Variants in POLRMT observed in about 807,000 individuals in gnomAD.
The protein encoded by POLRMT is DNA-directed RNA polymerase, mitochondrial.
A neutral mutation model predicts 132.2 loss-of-function variants in POLRMT; 114 were observed. That is an observed-to-expected ratio of 0.86 (90% CI 0.74 to 1.01). The LOEUF (loss-of-function observed/expected upper bound fraction) is 1.01, where lower values mean the gene tolerates loss of function less well. Ranked by LOEUF, POLRMT falls within the 50% of genes least tolerant of loss-of-function variation. The pLI is 0.00. For missense variants in POLRMT, 2,003 were observed against 1,729.1 expected, an observed-to-expected ratio of 1.16 and a Z score of -2.81; for synonymous variants, 1,020 against 773.4, an observed-to-expected ratio of 1.32 and a Z score of -5.29.
chr19:633,207 C>A (rs1217171893), intron 1 of POLRMT: 5 of 605,242 alleles, frequency 8.3e-6, no homozygotes, highest in Non-Finnish European at 1.3e-5. Flanking sequence ...CACCTGGGGT[C>A]AGGAGGCTGC....
Position 622,772 on chromosome 19 carries a change from G to GTGCC in POLRMT, c.1456-24_1456-21dup, listed in dbSNP as rs771678765. ...CAGGACCTGCGGAAGGCAGCCGTGA[G>GTGCC]TGCCTGCCCGCCCCGCCCGGGGACC... On this transcript the variant is annotated intron_variant, in intron 7 of 20. Coordinates refer to ENST00000588649, the MANE Select transcript of POLRMT (RefSeq NM_005035.4). 16 of 1,566,720 alleles carry GTGCC rather than the reference G, an allele frequency of 1.0e-5. No homozygotes were observed. Among genetic ancestry groups the GTGCC allele is most frequent in the Admixed American group, 3.8e-5 (2 of 53,028 alleles).
Position 618,727 on chromosome 19 carries a change from T to A in POLRMT, c.3301A>T (p.Thr1101Ser). Residue 1101 changes from threonine (T) to serine (S), a missense_variant, in exon 16 of 21, where the codon ACC (threonine) becomes TCC (serine). Physicochemically the swap from Thr to Ser is moderately conservative, Grantham distance 58. Transcript: ENST00000588649. ...CACCGGCTGATGTCTCCGTTGTGGG[T>A]GTAGGTGATGCTCTGAATTCCACCT... Reference protein sequence around the residue: ...IGGGIQSITYTHNGDISRKPN... With the variant: ...IGGGIQSITYSHNGDISRKPN... 1 of 1,606,942 alleles carries A rather than the reference T, an allele frequency of 6.2e-7. No individual in the cohort carries two copies. Among genetic ancestry groups the A allele is most frequent in the Non-Finnish European group, 8.5e-7 (1 of 1,177,182 alleles).
chr19:626,059 A>G (rs900341058), intron 3 of POLRMT, among the ~76,000 whole-genome samples: 5 of 152,106 alleles, frequency 3.3e-5, no homozygotes, highest in African/African-American at 1.2e-4. Flanking sequence ...GCACTGTGTC[A>G]GCTGCATCCC....
rs2144562487 is a variant in POLRMT, at chr19:617,843, G to A, written c.3429C>T (p.Gly1143=). 1 of 1,613,136 alleles carries A rather than the reference G, an allele frequency of 6.2e-7. No homozygotes were observed. The highest frequency in any genetic ancestry group is 1.3e-5 in the African/African-American group (1 of 75,012). Residue 1143 remains glycine, a synonymous_variant, in exon 18 of 21, where the codon GGC becomes GGT. Transcript: ENST00000588649. ...AGTCGTGCACAGAGACGAAGGTCAG[G>A]CCCTTCCTGTGGCAGAGCGGAGGAC... is the stretch of plus-strand genomic sequence containing the variant. ...MLTALHCYRK[G]LTFVSVHDCY...
At chr19:628,087 C>T (rs982334346) in intron 3 of POLRMT, among the ~76,000 whole-genome samples, 1 of 152,196 alleles carries the variant, frequency 6.6e-6, no homozygotes, top group Non-Finnish European at 1.5e-5. Flanking sequence ...CCAGCGACAT[C>T]CAGGACTGCT....
In POLRMT at chr19:617,803, C is replaced by G. The variant is rs748729176; in HGVS notation, c.3469G>C (p.Ala1157Pro). Residue 1157 changes from alanine (A) to proline (P), a missense_variant, in exon 18 of 21, where the codon GCA becomes CCA. Physicochemically the swap from Ala to Pro is conservative, Grantham distance 27. Coordinates refer to ENST00000588649, the MANE Select transcript of POLRMT (RefSeq NM_005035.4). ...VSVHDCYWTHAADVSVMNQVC... is the reference protein window; with the variant it reads ...VSVHDCYWTHPADVSVMNQVC... ...TGGTTCATGACGGAGACATCAGCTG[C>G]GTGAGTCCAGTAACAGTCGTGCACA... The G allele has an allele frequency of 7.4e-6, 12 of 1,613,350 alleles. No homozygotes were observed. The highest frequency in any genetic ancestry group is 1.0e-5 in the Non-Finnish European group (12 of 1,179,912).
intron 16 of POLRMT, 32 bp downstream of exon 16, chr19:618,673 C>T (rs761739374): frequency 1.2e-5 from 19 of 1,604,510 alleles, no homozygotes; most frequent in South Asian, 6.7e-5. Flanking sequence ...TCCAGACCCC[C>T]GGCCAGGCCC....
At chr19:624,354 G>A (rs898180402) in intron 5 of POLRMT, among the ~76,000 whole-genome samples, 2 of 151,674 alleles carry the variant, frequency 1.3e-5, no homozygotes, top group Admixed American at 6.6e-5. Context: ...TTAGACAACC[G>A]TGACTACACT....
chr19:618,419 G>C (rs932288793), intron 17 of POLRMT, 69 bp downstream of exon 17: 1 of 1,260,836 alleles, frequency 7.9e-7, no homozygotes, highest in African/African-American at 1.5e-5. Flanking sequence ...AGCCTTGCCA[G>C]CTGTGCCCTG....
intron 5 of POLRMT, among the ~76,000 whole-genome samples, chr19:624,502 C>G (rs3815110): frequency 0.54 from 81,911 of 151,946 alleles, 22,967 homozygotes; most frequent in South Asian, 0.75. Context: ...TCTCTGCGGC[C>G]CCCGACCACC....
intron 6 of POLRMT, among the ~76,000 whole-genome samples, 157 bp downstream of exon 6, chr19:623,297 A>G (rs892444084): frequency 1.3e-5 from 2 of 152,210 alleles, no homozygotes; most frequent in East Asian, 3.9e-4. Context: ...GGGCATGAGC[A>G]ATTCAACCGC....
chr19:629,488 G>A (rs1985247618), intron 3 of POLRMT, 52 bp downstream of exon 3: 4 of 1,455,606 alleles, frequency 2.7e-6, no homozygotes, highest in South Asian at 1.6e-5. Context: ...ATGAGGGCAA[G>A]TTCCTGTCTC....
intron 10 of POLRMT, 117 bp from the exon 11 acceptor site, chr19:620,604 C>T (rs1219724827): frequency 2.3e-6 from 3 of 1,289,948 alleles, no homozygotes; most frequent in South Asian, 3.2e-5. Context: ...TGATAGTGAA[C>T]ACGGGACGCA....
At chr19:625,329 C>T (rs1984950126) in intron 3 of POLRMT, 75 bp from the exon 4 acceptor site, 1 of 1,580,970 alleles carries the variant, frequency 6.3e-7, no homozygotes, top group Non-Finnish European at 8.6e-7. Flanking sequence ...CTGGAGACCC[C>T]TTCTCTGTAG....
intron 3 of POLRMT, among the ~76,000 whole-genome samples, chr19:626,898 C>CAT (rs113561619): frequency 0.035 from 5,124 of 146,678 alleles, 211 homozygotes; most frequent in African/African-American, 0.1. Context: ...CACACACACA[C>CAT]ATATATATAT....
rs536027956 is a variant in POLRMT at position 619,502 on chromosome 19, G to A, written c.3066+84C>T. On this transcript the variant is annotated intron_variant, in intron 13 of 20. Transcript: ENST00000588649. The stretch of plus-strand genomic sequence containing the variant: ...TGGGGGAGCAGCCAGGGCTCCTGCT[G>A]GGAGGCTGGGTCGGGGGCACACCCG... The A allele has an allele frequency of 3.2e-6, 5 of 1,544,288 alleles. No homozygotes were observed. In the African/African-American group the frequency reaches 5.4e-5, roughly 17 times the overall value.
chr19:624,673 G>A (rs1272718739), intron 5 of POLRMT, 46 bp downstream of exon 5: 1 of 1,577,282 alleles, frequency 6.3e-7, no homozygotes, highest in Non-Finnish European at 8.6e-7. Context: ...AACCCCCAAA[G>A]GGCAGCTATA....
rs769328848 is a variant in POLRMT, at chr19:621,708, G to A, written c.1990C>T (p.Leu664=). The part of the protein sequence containing the change: ...PWTSPHSGAF[L]LSPTKLMRTV... ...CGCATCAGCTTGGTGGGGCTGAGCA[G>A]GAAAGCACCAGAGTGCGGCGATGTC... Residue 664 remains leucine (L), a synonymous_variant, in exon 10 of 21, where the codon CTG becomes TTG. Transcript: ENST00000588649. The A allele has an allele frequency of 2.5e-6, 4 of 1,592,424 alleles. No homozygotes were observed. The highest frequency in any genetic ancestry group is 1.1e-5 in the South Asian group (1 of 90,042).
chr19:621,203 G>A lies in POLRMT; in HGVS notation c.2495C>T (p.Pro832Leu), dbSNP rs542968148. Residue 832 changes from proline (P) to leucine (L), a missense_variant, in exon 10 of 21, where the codon CCG (proline) becomes CTG (leucine). Transcript: ENST00000588649. Reference protein sequence around the residue: ...RALLEFAQGRPLGPHGLDWLK... With the variant: ...RALLEFAQGRLLGPHGLDWLK... ...CCAATCCAGGCCGTGCGGGCCGAGC[G>A]GGCGGCCCTGGGCGAACTCCAGCAG... 1.7e-5 allele frequency: 28 copies of A among 1,610,204 alleles called. No individual in the cohort carries two copies. The highest frequency in any genetic ancestry group is 2.7e-5 in the African/African-American group (2 of 74,878).
Sources: gnomAD v4.1 joint callset for allele counts (sites outside exome capture counted in the v4.1 genomes callset) on GRCh38, gnomAD v4.1.1 for gene constraint, MANE v1.5 for transcripts, NCBI Gene and HGNC (gene_info 2026-07-23, HGNC 2026-07-21) for gene names.